The following PRDM9 variants were observed in gnomAD, a reference collection of about 807,000 sequenced individuals.
PRDM9 encodes the protein histone-lysine N-methyltransferase PRDM9.
PRDM9 carries 47 observed loss-of-function variants against 55.6 expected under a neutral mutation model. The ratio of observed to expected loss-of-function variants is 0.85; its 90% CI spans 0.67 to 1.08. PRDM9 has a LOEUF of 1.08. PRDM9 is among the 50% of genes least tolerant of loss of function. The pLI is 0.00. For missense variants in PRDM9, 867 were observed against 1,040.3 expected, an observed-to-expected ratio of 0.83 and a Z score of 2.29; for synonymous variants, 312 against 375.7, an observed-to-expected ratio of 0.83 and a Z score of 1.96.
At chr5:23,511,370 G>A (rs770350004) in intron 4 of PRDM9, among the ~76,000 whole-genome samples, 39 of 152,024 alleles carry the variant, frequency 2.6e-4, no homozygotes, top group Non-Finnish European at 5.9e-5. Flanking sequence ...TTTTGAGATA[G>A]AGTCTCATTC....
Position 23,524,378 on chromosome 5 carries a change from C to A in PRDM9, c.995C>A (p.Ala332Asp), listed in dbSNP as rs1223870511. 1.2e-6 allele frequency: 2 copies of A among 1,613,858 alleles called. No homozygotes were observed. Among genetic ancestry groups the A allele is most frequent in the South Asian group, 1.1e-5 (1 of 91,066 alleles). Residue 332 changes from alanine to aspartate, a missense_variant, in exon 10 of 11, where the codon GCC (alanine) becomes GAC (aspartate). Ala to Asp is a moderately radical substitution (Grantham distance 126). Transcript: ENST00000296682. Reference protein sequence around the residue: ...ARDDEEQNLVAFQYHRQIFYR... With the variant: ...ARDDEEQNLVDFQYHRQIFYR... Reference sequence around the variant, plus strand: ...GATGATGAAGAGCAGAACCTGGTGGCCTTCCAGTACCACAGGCAGATCTTC... The same window carrying A: ...GATGATGAAGAGCAGAACCTGGTGGACTTCCAGTACCACAGGCAGATCTTC...
chr5:23,527,164 T>A lies in PRDM9; in HGVS notation c.2076T>A (p.Tyr692Ter). Residue 692 changes from tyrosine (Y) to a stop codon, truncating the protein, a stop_gained, in exon 11 of 11, where the codon TAT becomes TAA. Coordinates refer to ENST00000296682, the MANE Select transcript of PRDM9 (RefSeq NM_020227.4). LOFTEE classifies it low-confidence loss of function (END_TRUNC). ...GGACACACACAGGGGAGAAGCCCTA[T>A]GTCTGCAGGGAGTGTGGGCGGGGCT... ...HQRTHTGEKP[Y>*]VCRECGRGFS... 5 of 600,432 alleles carry A rather than the reference T, an allele frequency of 8.3e-6. No individual in the cohort carries two copies. Among genetic ancestry groups the A allele is most frequent in the East Asian group, 3.7e-5 (1 of 27,100 alleles). 37.2% of individuals were successfully genotyped at this position (600,432 alleles called of 1,614,324 possible).
At chr5:23,526,093 G>T (rs1431273398) in intron 10 of PRDM9, 140 bp from the exon 11 acceptor site, 3 of 982,568 alleles carry the variant, frequency 3.1e-6, no homozygotes, top group African/African-American at 1.6e-5. Context: ...GGACTGTAAA[G>T]GTCCATCCAG....
At chr5:23,520,861 AC>A (rs1372184737) in intron 5 of PRDM9, among the ~76,000 whole-genome samples, 161 bp from the exon 6 acceptor site, 1 of 152,186 alleles carries the variant, frequency 6.6e-6, no homozygotes, top group Non-Finnish European at 1.5e-5. Context: ...TCCCAGATTC[AC>A]TACTCACTTA....
chr5:23,525,135 GC>G (rs1418236564), intron 10 of PRDM9, among the ~76,000 whole-genome samples: 1 of 152,346 alleles, frequency 6.6e-6, no homozygotes, highest in Admixed American at 6.5e-5. Context: ...GAGTGTTGCA[GC>G]GGATTGTCAG....
chr5:23,516,249 T>C (rs1213906657), intron 4 of PRDM9, among the ~76,000 whole-genome samples: 2 of 152,222 alleles, frequency 1.3e-5, no homozygotes, highest in African/African-American at 4.8e-5. Context: ...TATTTGTAAT[T>C]ATTCTATTCT....
At position 23,521,125 on chromosome 5, in the gene PRDM9, G is replaced by A. The variant is rs773308210; in HGVS notation, c.454G>A (p.Val152Met). ...TGGCTCAGAGCAGGCTCAGAAACCAGTGTCCCCTTCTGGAGAAGCAAGTAC... is the reference window on the plus strand; with the variant it reads ...TGGCTCAGAGCAGGCTCAGAAACCAATGTCCCCTTCTGGAGAAGCAAGTAC... Reference protein sequence around the residue: ...ASGSEQAQKPVSPSGEASTSG... With the variant: ...ASGSEQAQKPMSPSGEASTSG... The change falls in exon 6 of 11, where the codon GTG (valine) becomes ATG (methionine). Residue 152 changes from valine to methionine, a missense_variant. Physicochemically the swap from Val to Met is conservative, Grantham distance 21 (BLOSUM62 1). Transcript: ENST00000296682. The A allele has an allele frequency of 4.3e-6, 7 of 1,614,030 alleles. No individual in the cohort carries two copies. Among genetic ancestry groups the A allele is most frequent in the Non-Finnish European group, 5.9e-6 (7 of 1,180,028 alleles).
rs1298729910 is a variant in PRDM9 at position 23,524,371 on chromosome 5, C to A, written c.988C>A (p.Leu330Met). Residue 330 changes from leucine (L) to methionine (M), a missense_variant, in exon 10 of 11, where the codon CTG becomes ATG. This residue lies in a region of PRDM9 where 662 missense variants were observed against 711.9 expected (regional missense o/e 0.93). Coordinates refer to ENST00000296682, the MANE Select transcript of PRDM9 (RefSeq NM_020227.4). ...NCARDDEEQN[L>M]VAFQYHRQIF... is the part of the protein sequence containing the mutation. ...TGCCCGGGATGATGAAGAGCAGAAC[C>A]TGGTGGCCTTCCAGTACCACAGGCA... 1 of 1,613,984 alleles carries A rather than the reference C, an allele frequency of 6.2e-7. No homozygotes were observed. Among genetic ancestry groups the A allele is most frequent in the Non-Finnish European group, 8.5e-7 (1 of 1,179,930 alleles).
chr5:23,519,400 C>T (rs1739282527), intron 5 of PRDM9, among the ~76,000 whole-genome samples: 2 of 150,596 alleles, frequency 1.3e-5, no homozygotes. Flanking sequence ...CAGAGTTTCA[C>T]TCTTGTCACC....
At chr5:23,523,269 G>T (rs1561021059) in intron 8 of PRDM9, 22 bp from the exon 9 acceptor site, 9 of 1,607,856 alleles carry the variant, frequency 5.6e-6, no homozygotes, top group Non-Finnish European at 5.1e-6. Context: ...AAAAGCCTTT[G>T]CCTTGTTTTT....
rs531605057 is a variant in PRDM9 at position 23,523,915 on chromosome 5, A to C, written c.951-419A>C. Among the ~76,000 whole-genome samples the C allele has an allele frequency of 2.0e-5, 3 of 152,344 alleles. No homozygotes were observed. The East Asian group carries it at 5.8e-4, about 29-fold the overall frequency. ...GTGATTAGAGGAAGGTCTGTCAAAGAAAGATGGACTTGGGCTGAGTGTAGA... is the reference window on the plus strand; with the variant it reads ...GTGATTAGAGGAAGGTCTGTCAAAGCAAGATGGACTTGGGCTGAGTGTAGA... On this transcript the variant is annotated intron_variant, in intron 9 of 10. Coordinates refer to ENST00000296682, the MANE Select transcript of PRDM9 (RefSeq NM_020227.4).
At chr5:23,510,508 C>T (rs567181939) in intron 4 of PRDM9, among the ~76,000 whole-genome samples, 10 of 151,364 alleles carry the variant, frequency 6.6e-5, no homozygotes, top group Non-Finnish European at 1.3e-4. Flanking sequence ...CAGATGTGCA[C>T]CACCATGCCA....
At position 23,510,035 on chromosome 5, in the gene PRDM9, G is replaced by A. The variant is rs1739059619; in HGVS notation, c.301+8G>A. The A allele has an allele frequency of 1.2e-6, 2 of 1,600,792 alleles. No individual in the cohort carries two copies. Among genetic ancestry groups the A allele is most frequent in the Non-Finnish European group, 1.7e-6 (2 of 1,169,354 alleles). On this transcript the variant is annotated splice_region_variant and intron_variant, in intron 4 of 10. Transcript: ENST00000296682. ...GGACCCCTAGGCAGCAAGGTAAGAG[G>A]GAAGGGAAGTAGGATTTTTTTTTTT...
Position 23,527,616 on chromosome 5 carries a change from A to G in PRDM9, c.2528A>G (p.Asn843Ser), listed in dbSNP as rs1471851743. The G allele has an allele frequency of 4.0e-6, 6 of 1,517,842 alleles. No individual in the cohort carries two copies. In the Admixed American group the frequency reaches 5.6e-5, roughly 14 times the overall value. The allele number at this position is 1,517,842 out of a possible 1,614,324, so 94.0% of individuals were successfully genotyped here. A position where few individuals can be genotyped will look rare whatever the true frequency, so the allele number is the denominator to read the frequency against. ...VCRECGRGFR[N>S]KSHLLRHQRT... ...AGGGAGTGTGGGCGGGGCTTTCGCA[A>G]TAAGTCACACCTCCTCAGACACCAG... The change falls in exon 11 of 11, where the codon AAT becomes AGT. Residue 843 changes from asparagine to serine, a missense_variant. Coordinates refer to ENST00000296682, the MANE Select transcript of PRDM9 (RefSeq NM_020227.4).
At chr5:23,521,241 A>T in intron 6 of PRDM9, 62 bp downstream of exon 6, 1 of 1,588,268 alleles carries the variant, frequency 6.3e-7, no homozygotes, top group Non-Finnish European at 8.6e-7. Flanking sequence ...GTTGATGAGT[A>T]TGGTCTACCT....
intron 5 of PRDM9, among the ~76,000 whole-genome samples, chr5:23,518,355 A>G (rs1466519054): frequency 1.3e-5 from 2 of 152,226 alleles, no homozygotes; most frequent in African/African-American, 4.8e-5. Flanking sequence ...GATCATTAAC[A>G]CAAGATCATT....
At chr5:23,509,264 G>A in intron 2 of PRDM9, among the ~76,000 whole-genome samples, 162 bp downstream of exon 2, 1 of 152,186 alleles carries the variant, frequency 6.6e-6, no homozygotes, top group East Asian at 1.9e-4. Context: ...ACTAGCATCA[G>A]CGACTGCTCT....
intron 10 of PRDM9, among the ~76,000 whole-genome samples, 155 bp downstream of exon 10, chr5:23,524,682 C>T (rs1561021785): frequency 6.6e-6 from 1 of 152,090 alleles, no homozygotes; most frequent in Non-Finnish European, 1.5e-5. Flanking sequence ...TGTTATATAC[C>T]TTTGCCTCTT....
At position 23,522,745 on chromosome 5, in the gene PRDM9, A is replaced by G. The variant is rs1350831317; in HGVS notation, c.742A>G (p.Ile248Val). 2.5e-6 allele frequency: 4 copies of G among 1,614,082 alleles called. No individual in the cohort carries two copies. The African/African-American group carries it at 4.0e-5, about 16-fold the overall frequency. ...CCTCAGTCTGCCCCCAGGGCTGAGA[A>G]TTGGGCCATCAGGCATCCCTCAGGC... Reference protein sequence around the residue: ...SALSLPPGLRIGPSGIPQAGL... With the variant: ...SALSLPPGLRVGPSGIPQAGL... Residue 248 changes from isoleucine (I) to valine (V), a missense_variant, in exon 8 of 11, where the codon ATT becomes GTT. Around this residue, in one of 5 missense-constraint regions of PRDM9, gnomAD observed 662 missense variants for 711.9 expected, o/e 0.93. Transcript: ENST00000296682.
Sources: allele counts gnomAD v4.1 joint callset (sites outside exome capture counted in the v4.1 genomes callset), GRCh38; gene constraint gnomAD v4.1.1; regional missense constraint gnomAD v4.1.1; transcripts MANE v1.5; gene names NCBI Gene and HGNC (gene_info 2026-07-23, HGNC 2026-07-21).